The following COL6A5 variants were observed in gnomAD, a reference collection of about 807,000 sequenced individuals.
COL6A5 encodes the protein collagen type VI alpha 5 chain, also known as collagen alpha-5(VI) chain.
A neutral mutation model predicts 65.6 loss-of-function variants in COL6A5; 48 were observed. The ratio of observed to expected loss-of-function variants is 0.73; its 90% CI spans 0.58 to 0.93. The LOEUF (loss-of-function observed/expected upper bound fraction) is 0.93. Ranked by LOEUF, COL6A5 falls within the 40% of genes least tolerant of loss-of-function variation. The pLI, the probability that COL6A5 is intolerant of heterozygous loss-of-function variation, is 0.00. For missense variants in COL6A5, 914 were observed against 928.3 expected (o/e 0.98, Z 0.20); for synonymous variants, 291 against 322.8 (o/e 0.90, Z 1.05).
chr3:130,465,910 T>C (rs1190277315), intron 5 of COL6A5, among the ~76,000 whole-genome samples: 1 of 151,962 alleles, frequency 6.6e-6, no homozygotes, highest in East Asian at 1.9e-4. Flanking sequence ...AGAGGAACAA[T>C]GCACTGAATG....
chr3:130,455,996 CT>C (rs879367885), intron 5 of COL6A5, among the ~76,000 whole-genome samples: 2 of 151,712 alleles, frequency 1.3e-5, no homozygotes, highest in East Asian at 1.9e-4. Flanking sequence ...ATTAAAATGA[CT>C]TTTTTTTGGG....
intron 1 of COL6A5, among the ~76,000 whole-genome samples, chr3:130,356,062 T>A (rs1218847847): frequency 6.6e-6 from 1 of 152,156 alleles, no homozygotes; most frequent in Non-Finnish European, 1.5e-5. Context: ...TTTTTGCATC[T>A]TCTTTTTTTC....
intron 7 of COL6A5, among the ~76,000 whole-genome samples, chr3:130,475,626 T>G (rs182518223): frequency 2.6e-5 from 4 of 152,182 alleles, no homozygotes; most frequent in African/African-American, 9.6e-5. Flanking sequence ...GAGAAATATG[T>G]GACAGCCAGG....
At chr3:130,441,350 A>G (rs1709176092) in intron 3 of COL6A5, among the ~76,000 whole-genome samples, 1 of 152,176 alleles carries the variant, frequency 6.6e-6, no homozygotes, top group South Asian at 2.1e-4. Flanking sequence ...CAGTAATGTC[A>G]ATGCTGCTGG....
chr3:130,445,785 T>C (rs1011984772), intron 4 of COL6A5, among the ~76,000 whole-genome samples: 1 of 152,150 alleles, frequency 6.6e-6, no homozygotes, highest in Admixed American at 6.5e-5. Flanking sequence ...ATAAGTAGCC[T>C]CCAGGCATTC....
chr3:130,474,418 A>G (rs1042014570), intron 7 of COL6A5, among the ~76,000 whole-genome samples: 9 of 152,108 alleles, frequency 5.9e-5, no homozygotes, highest in Non-Finnish European at 1.0e-4. Flanking sequence ...AAAATTATGG[A>G]ACATACAGAG....
exon 31 of COL6A5, chr3:130,426,367 C>T: frequency 6.4e-7 from 1 of 1,551,312 alleles, no homozygotes; most frequent in South Asian, 1.2e-5. Flanking sequence ...ACATTTACAG[C>T]AATGTGATCT....
chr3:130,445,170 G>A (rs1709277172), intron 4 of COL6A5, among the ~76,000 whole-genome samples: 1 of 152,206 alleles, frequency 6.6e-6, no homozygotes, highest in African/African-American at 2.4e-5. Flanking sequence ...GGCCATTGCA[G>A]TGACTGTAAT....
intron 24 of COL6A5, among the ~76,000 whole-genome samples, 161 bp downstream of exon 24, chr3:130,416,980 A>G (rs1303825790): frequency 6.6e-6 from 1 of 151,970 alleles, no homozygotes; most frequent in Non-Finnish European, 1.5e-5. Flanking sequence ...GGTTTGTTAC[A>G]TAGGGATACA....
chr3:130,425,286 C>G (rs1215284561), intron 29 of COL6A5, among the ~76,000 whole-genome samples: 2 of 152,134 alleles, frequency 1.3e-5, no homozygotes, highest in East Asian at 3.9e-4. Context: ...AGACCTTTAA[C>G]TGTTTATTGG....
At chr3:130,373,878 GCAAAAGT>G (rs746495584) in intron 2 of COL6A5, among the ~76,000 whole-genome samples, 173 bp downstream of exon 2, 2 of 152,094 alleles carry the variant, frequency 1.3e-5, no homozygotes, top group African/African-American at 2.4e-5. Flanking sequence ...AAAGCCATGA[GCAAAAGT>G]CAGGAGTTAT....
At chr3:130,373,613 C>T (rs759940599) in exon 2 of COL6A5, 12 of 1,406,408 alleles carry the variant, frequency 8.5e-6, no homozygotes, top group African/African-American at 2.9e-5. Flanking sequence ...TTTTGCAGAA[C>T]AAAAGTAAAA....
At chr3:130,456,322 AGT>A (rs541786115) in intron 5 of COL6A5, among the ~76,000 whole-genome samples, 144 of 152,246 alleles carry the variant, frequency 9.5e-4, no homozygotes, top group African/African-American at 3.2e-3. Flanking sequence ...TTCATTAAAA[AGT>A]GTGAGGGGAG....
At chr3:130,479,603 C>G (rs1453818967) in intron 7 of COL6A5, among the ~76,000 whole-genome samples, 2 of 152,062 alleles carry the variant, frequency 1.3e-5, no homozygotes, top group African/African-American at 2.4e-5. Flanking sequence ...AAAGGCAGAG[C>G]ATGTGTGGAT....
Position 130,445,104 on chromosome 3 carries a change from A to G in COL6A5, c.1332+1538A>G, listed in dbSNP as rs540590409. On this transcript the variant is annotated intron_variant, in intron 4 of 7. Coordinates refer to ENST00000512836, the Ensembl canonical transcript of COL6A5. ...ACATTTGGGTGGAATTGGCTTGCCA[A>G]TCATTAACAAATGAGCCATTTGAAT... is the stretch of plus-strand genomic sequence containing the variant. Among the ~76,000 whole-genome samples, 7 of 152,358 alleles carry G rather than the reference A, an allele frequency of 4.6e-5. No homozygotes were observed. The South Asian group carries it at 6.2e-4, about 14-fold the overall frequency.
At chr3:130,483,891 G>C in intron 7 of COL6A5, 144 bp from the exon 41 acceptor site, 1 of 630,652 alleles carries the variant, frequency 1.6e-6, no homozygotes. Flanking sequence ...ACATCACCCT[G>C]AGCTGGACTT....
intron 1 of COL6A5, among the ~76,000 whole-genome samples, chr3:130,360,015 G>C (rs1176243371): frequency 1.3e-5 from 2 of 151,794 alleles, no homozygotes; most frequent in Non-Finnish European, 2.9e-5. Context: ...AACTACATCA[G>C]CTCAAAATTT....
At chr3:130,450,667 G>T (rs1039441740) in intron 4 of COL6A5, among the ~76,000 whole-genome samples, 3 of 152,162 alleles carry the variant, frequency 2.0e-5, no homozygotes, top group Non-Finnish European at 2.9e-5. Context: ...TGCCTTGAGC[G>T]TGCTCATCAG....
At chr3:130,478,238 C>T (rs897748136) in intron 7 of COL6A5, among the ~76,000 whole-genome samples, 5 of 152,058 alleles carry the variant, frequency 3.3e-5, no homozygotes, top group African/African-American at 9.7e-5. Context: ...TATTTAAAAT[C>T]GTGATCATGT....
Sources: allele counts gnomAD v4.1 joint callset (sites outside exome capture counted in the v4.1 genomes callset), GRCh38; gene constraint gnomAD v4.1.1; transcripts MANE v1.5; gene names NCBI Gene and HGNC (gene_info 2026-07-23, HGNC 2026-07-21).